Variants in AZIN2 observed in about 807,000 individuals in gnomAD.
The protein encoded by AZIN2 is ODC antizyme inhibitor-2.
In AZIN2, 28 loss-of-function variants were observed where a neutral mutation model predicts 47.8. That is an observed-to-expected ratio of 0.59 (90% CI 0.43 to 0.80). AZIN2 has a LOEUF of 0.80. Ranked by LOEUF, AZIN2 falls within the 30% of genes least tolerant of loss-of-function variation. AZIN2 has a pLI of 0.00. For synonymous variants in AZIN2, 221 were observed against 239.4 expected (o/e 0.92, Z 0.71); for missense variants, 535 against 582.5 (o/e 0.92, Z 0.84).
At chr1:33,088,408 C>T (rs547813691) in intron 5 of AZIN2, among the ~76,000 whole-genome samples, 21 of 152,308 alleles carry the variant, frequency 1.4e-4, no homozygotes, top group East Asian at 3.9e-4. Flanking sequence ...TCCCCCAGGG[C>T]GATGGTGATA....
chr1:33,107,625 C>A (rs549588742), intron 10 of AZIN2, among the ~76,000 whole-genome samples: 29 of 152,046 alleles, frequency 1.9e-4, no homozygotes, highest in African/African-American at 6.7e-4. Flanking sequence ...AAGACTTCAC[C>A]AAAAAACTAT....
chr1:33,147,278 C>T, the AZIN2 span: 46 of 1,614,010 alleles, frequency 2.9e-5, no homozygotes, highest in Middle Eastern at 1.6e-4. The surrounding 1 kb of genome is among the most constrained non-coding windows in gnomAD (Gnocchi z 8.1). Context: ...GGGAACTTCT[C>T]GCGGAAGGTG....
At chr1:33,083,717 A>G in intron 4 of AZIN2, 1 of 561,724 alleles carries the variant, frequency 1.8e-6, no homozygotes, top group Non-Finnish European at 3.2e-6. Flanking sequence ...GATCCAGCCT[A>G]CAGCTGGAGT....
the AZIN2 span, among the ~76,000 whole-genome samples, chr1:33,148,625 A>C: frequency 9.2e-5 from 14 of 152,226 alleles, no homozygotes; most frequent in Non-Finnish European, 2.1e-4. Context: ...TTTTATTATT[A>C]ATAATTTCCT....
the AZIN2 span, chr1:33,147,538 A>G: frequency 6.2e-7 from 1 of 1,613,684 alleles, no homozygotes; most frequent in South Asian, 1.1e-5. This position sits in a 1 kb window ranked among gnomAD's most constrained non-coding sequence, Gnocchi z 8.1. Context: ...CTCCGCCACC[A>G]CCACCTCCCA....
At chr1:33,150,139 G>C in the AZIN2 span, among the ~76,000 whole-genome samples, 1 of 152,250 alleles carries the variant, frequency 6.6e-6, no homozygotes, top group Non-Finnish European at 1.5e-5. Context: ...GCTTTCCTTA[G>C]CCTGAATGAC....
the AZIN2 span, chr1:33,165,448 C>G: frequency 6.4e-7 from 1 of 1,564,180 alleles, no homozygotes; most frequent in Non-Finnish European, 8.7e-7. This position sits in a 1 kb window ranked among gnomAD's most constrained non-coding sequence, Gnocchi z 4.0. Context: ...CCGGCCCCAC[C>G]TCCGCGCCCC....
chr1:33,144,073 C>T, the AZIN2 span, among the ~76,000 whole-genome samples: 62 of 151,952 alleles, frequency 4.1e-4, 1 homozygote, highest in African/African-American at 1.4e-3. Flanking sequence ...CCTCTGTAAT[C>T]TATAGCCCAG....
chr1:33,102,597 C>T (rs1643785935), intron 10 of AZIN2, among the ~76,000 whole-genome samples: 1 of 152,178 alleles, frequency 6.6e-6, no homozygotes, highest in South Asian at 2.1e-4. Flanking sequence ...CTGTTCTCAC[C>T]TTGTCTCCTT....
intron 10 of AZIN2, among the ~76,000 whole-genome samples, chr1:33,116,129 T>G (rs914416877): frequency 3.3e-5 from 5 of 152,132 alleles, no homozygotes; most frequent in Non-Finnish European, 7.4e-5. Context: ...GAATTTTATT[T>G]TGTGTGTGTG....
At chr1:33,140,977 A>G in the AZIN2 span, among the ~76,000 whole-genome samples, 2 of 152,126 alleles carry the variant, frequency 1.3e-5, no homozygotes, top group African/African-American at 4.8e-5. This position sits in a 1 kb window ranked among gnomAD's most constrained non-coding sequence, Gnocchi z 4.0. Context: ...GATGGCTGGG[A>G]GTCAGGAGAC....
chr1:33,113,416 A>G lies in AZIN2; in HGVS notation c.1030-4486A>G, dbSNP rs887646162. 1.3e-5 allele frequency among the ~76,000 whole-genome samples: 2 copies of G among 152,296 alleles called. No homozygotes were observed. The highest frequency in any genetic ancestry group is 4.8e-5 in the African/African-American group (2 of 41,554). On this transcript the variant is annotated intron_variant, in intron 10 of 11. Coordinates refer to ENST00000294517, the MANE Select transcript of AZIN2 (RefSeq NM_052998.4). This position sits in a 1 kb window ranked among gnomAD's most constrained non-coding sequence, Gnocchi z 4.1. ...AGCTGAGATGCTGGCTTGCATTCTAAAATTCATTGATTTCCTCTAGTAACC... is the reference window on the plus strand; with the variant it reads ...AGCTGAGATGCTGGCTTGCATTCTAGAATTCATTGATTTCCTCTAGTAACC...
the AZIN2 span, chr1:33,143,137 C>T: frequency 6.6e-6 from 1 of 152,172 alleles, no homozygotes; most frequent in Non-Finnish European, 1.5e-5. Flanking sequence ...CCTGACAACC[C>T]CAGATTCTTT....
At position 33,096,753 on chromosome 1, in the gene AZIN2, G is replaced by T; in HGVS notation, c.800G>T (p.Gly267Val). Residue 267 changes from glycine (G) to valine (V), a missense_variant, in exon 9 of 12, where the codon GGC (glycine) becomes GTC (valine). Gly to Val is a moderately radical substitution (Grantham distance 109, BLOSUM62 -3). This residue lies in a region of AZIN2 where 409 missense variants were observed against 429.0 expected (regional missense o/e 0.95). Transcript: ENST00000294517. Reference protein sequence around the residue: ...NSALDLYFPEGCGVDIFAELG... With the variant: ...NSALDLYFPEVCGVDIFAELG... ...GCCTTGGACCTGTACTTCCCAGAGGGCTGTGGCGTGGACATCTTTGCTGAG... is the reference window on the plus strand; with the variant it reads ...GCCTTGGACCTGTACTTCCCAGAGGTCTGTGGCGTGGACATCTTTGCTGAG... 1 of 1,614,220 alleles carries T rather than the reference G, an allele frequency of 6.2e-7. No individual in the cohort carries two copies. The highest frequency in any genetic ancestry group is 1.1e-5 in the South Asian group (1 of 91,088).
intron 9 of AZIN2, 185 bp downstream of exon 9, chr1:33,097,054 T>C: frequency 1.5e-6 from 1 of 664,796 alleles, no homozygotes; most frequent in South Asian, 1.9e-5. Context: ...TAGCATCTTT[T>C]TTCCTAGGCA....
At chr1:33,130,212 G>T in the AZIN2 span, among the ~76,000 whole-genome samples, 24 of 152,298 alleles carry the variant, frequency 1.6e-4, no homozygotes, top group South Asian at 3.5e-3. Flanking sequence ...GATGCGGTAG[G>T]CAGTCTCTGA....
the AZIN2 span, among the ~76,000 whole-genome samples, chr1:33,131,604 A>G: frequency 4.3e-4 from 65 of 152,270 alleles, no homozygotes; most frequent in African/African-American, 1.1e-3. Flanking sequence ...ATTGGATAAC[A>G]TTTTGTATGT....
chr1:33,164,259 G>C, the AZIN2 span: 1 of 152,314 alleles, frequency 6.6e-6, no homozygotes, highest in Non-Finnish European at 1.5e-5. Context: ...GGCCAAGCTG[G>C]GGCATAGATC....
the AZIN2 span, among the ~76,000 whole-genome samples, chr1:33,160,749 G>A: frequency 6.6e-6 from 1 of 152,090 alleles, no homozygotes; most frequent in East Asian, 1.9e-4. Context: ...TCATTCAGGG[G>A]GCTCAAGGAA....
Sources: gnomAD v4.1 joint callset for allele counts (sites outside exome capture counted in the v4.1 genomes callset) on GRCh38, gnomAD v4.1.1 for gene constraint, gnomAD v4.1.1 regional missense constraint, Gnocchi (gnomAD v3.1) non-coding constraint, MANE v1.5 for transcripts, NCBI Gene and HGNC (gene_info 2026-07-23, HGNC 2026-07-21) for gene names.